KYNU: variants seen among roughly 807,000 people sequenced by gnomAD.
KYNU encodes the protein kynureninase, also known as L-kynurenine hydrolase.
KYNU carries 54 observed loss-of-function variants against 59.2 expected under a neutral mutation model. The observed-to-expected ratio is 0.91, with a 90% CI of 0.73 to 1.14. The LOEUF (loss-of-function observed/expected upper bound fraction) is 1.14. KYNU is among the 50% of genes most tolerant of loss of function. The pLI, the probability that KYNU is intolerant of heterozygous loss-of-function variation, is 0.00. For synonymous variants in KYNU, 177 were observed against 192.0 expected, an observed-to-expected ratio of 0.92 and a Z score of 0.65; for missense variants, 567 against 554.4, an observed-to-expected ratio of 1.02 and a Z score of -0.23.
intron 2 of KYNU, among the ~76,000 whole-genome samples, chr2:142,916,750 G>T (rs2104986814): frequency 6.6e-6 from 1 of 152,280 alleles, no homozygotes; most frequent in East Asian, 1.9e-4. Flanking sequence ...CAGGGAATAA[G>T]AAGCAAAGGC....
chr2:142,978,624 G>A lies in KYNU; in HGVS notation c.730-6460G>A, dbSNP rs552226838. Among the ~76,000 whole-genome samples the A allele has an allele frequency of 4.6e-5, 7 of 152,268 alleles. No homozygotes were observed. The South Asian group carries it at 1.2e-3, about 27-fold the overall frequency. On this transcript the variant is annotated intron_variant, in intron 8 of 13. Transcript: ENST00000264170. ...AGTGAACATTCACAGGCTGATATTC[G>A]CAGACACCTCTCATGAACTCAAGGG...
In KYNU at chr2:143,040,440, G is replaced by A; in HGVS notation, c.1054G>A (p.Ala352Thr). ...TCTCATTCCACAGATCTTTAAGCAA[G>A]CGACAATGAAGGCATTGCGGAAAAA... Reference protein sequence around the residue: ...LHASLEIFKQATMKALRKKSV... With the variant: ...LHASLEIFKQTTMKALRKKSV... Residue 352 changes from alanine (A) to threonine (T), a missense_variant, in exon 13 of 14, where the codon GCG becomes ACG. Transcript: ENST00000264170. The A allele has an allele frequency of 6.2e-7, 1 of 1,611,826 alleles. No individual in the cohort carries two copies. Among genetic ancestry groups the A allele is most frequent in the Non-Finnish European group, 8.5e-7 (1 of 1,178,312 alleles).
intron 8 of KYNU, among the ~76,000 whole-genome samples, chr2:142,977,131 TC>T (rs1317513211): frequency 6.6e-6 from 1 of 152,004 alleles, no homozygotes; most frequent in Non-Finnish European, 1.5e-5. Context: ...AGTATGTCCA[TC>T]CCCTCTTCCA....
At chr2:143,018,521 G>A (rs7581761) in intron 10 of KYNU, among the ~76,000 whole-genome samples, 17,438 of 152,148 alleles carry the variant, frequency 0.11, 1,601 homozygotes, top group African/African-American at 0.26. Flanking sequence ...CCAGTATCAT[G>A]CCATTTTGAT....
In KYNU at chr2:142,885,499, G is replaced by A. The variant is rs768321743; in HGVS notation, c.132G>A (p.Glu44=). ...AAGATAAGCTGAGGCACTTCAGGGA[G>A]TGCTTTTATATTCCCAAAATACAGG... ...DEEDKLRHFR[E]CFYIPKIQDL... is the part of the protein sequence containing the mutation. Residue 44 remains glutamate (E), a synonymous_variant, in exon 2 of 14, where the codon GAG becomes GAA. Transcript: ENST00000264170. 1 of 1,613,938 alleles carries A rather than the reference G, an allele frequency of 6.2e-7. No homozygotes were observed. The highest frequency in any genetic ancestry group is 1.1e-5 in the South Asian group (1 of 91,056).
chr2:142,893,671 AAG>A (rs997370122), intron 2 of KYNU, among the ~76,000 whole-genome samples: 4 of 152,136 alleles, frequency 2.6e-5, no homozygotes, highest in African/African-American at 9.7e-5. Flanking sequence ...TGGGAAAAAA[AAG>A]AGACAGACAG....
intron 2 of KYNU, among the ~76,000 whole-genome samples, chr2:142,888,749 C>G (rs995408015): frequency 4.0e-5 from 6 of 151,508 alleles, no homozygotes; most frequent in Non-Finnish European, 5.9e-5. Flanking sequence ...ATCTTAATGT[C>G]TAAGGATTCA....
At chr2:142,985,032 T>C in intron 8 of KYNU, 52 bp from the exon 9 acceptor site, 3 of 1,025,106 alleles carry the variant, frequency 2.9e-6, no homozygotes, top group Admixed American at 1.7e-5. Context: ...TTTGTACTTA[T>C]TATTTCTAAT....
At chr2:143,004,082 A>C (rs1056802584) in intron 10 of KYNU, among the ~76,000 whole-genome samples, 5 of 152,210 alleles carry the variant, frequency 3.3e-5, no homozygotes, top group African/African-American at 1.2e-4. Context: ...TAATTCATGA[A>C]AATGTAACAA....
At chr2:142,883,434 G>A (rs907229532) in intron 1 of KYNU, among the ~76,000 whole-genome samples, 2 of 151,742 alleles carry the variant, frequency 1.3e-5, no homozygotes, top group Non-Finnish European at 2.9e-5. Flanking sequence ...TCCTGACCTC[G>A]TGATCCGCCT....
intron 4 of KYNU, among the ~76,000 whole-genome samples, chr2:142,944,369 G>T (rs1683705934): frequency 6.6e-6 from 1 of 152,134 alleles, no homozygotes; most frequent in East Asian, 1.9e-4. Flanking sequence ...TTCTGGTAAA[G>T]CAAAAATATG....
intron 4 of KYNU, among the ~76,000 whole-genome samples, chr2:142,940,208 G>T (rs1302481035): frequency 6.6e-6 from 1 of 152,196 alleles, no homozygotes; most frequent in Non-Finnish European, 1.5e-5. Flanking sequence ...ACTGGAAAAA[G>T]AATTTGCATT....
chr2:142,949,462 C>A (rs1374750835), intron 4 of KYNU, among the ~76,000 whole-genome samples: 3 of 152,232 alleles, frequency 2.0e-5, no homozygotes, highest in African/African-American at 4.8e-5. Flanking sequence ...CTTCTGAAAT[C>A]TAGGCAGAGG....
intron 4 of KYNU, among the ~76,000 whole-genome samples, chr2:142,933,154 C>T (rs6714694): frequency 1.2e-3 from 189 of 152,172 alleles, no homozygotes; most frequent in South Asian, 3.9e-3. Context: ...CAGCAGCTGC[C>T]GCCAATGGTC....
chr2:142,920,336 T>C (rs1012570939), intron 3 of KYNU, among the ~76,000 whole-genome samples: 1 of 152,246 alleles, frequency 6.6e-6, no homozygotes, highest in Non-Finnish European at 1.5e-5. Context: ...TGGTTAATAT[T>C]CATTTTTGGC....
chr2:142,882,028 A>C (rs2105019715), intron 1 of KYNU, among the ~76,000 whole-genome samples: 1 of 150,292 alleles, frequency 6.7e-6, no homozygotes. Flanking sequence ...CTGGGGTAAC[A>C]GGTGTGAACC....
Position 143,048,665 on chromosome 2 carries a change from T to C in KYNU, c.*6493T>C, listed in dbSNP as rs1006822718. The C allele has an allele frequency of 4.6e-5, 7 of 152,318 alleles. No homozygotes were observed. The highest frequency in any genetic ancestry group is 1.4e-4 in the African/African-American group (6 of 41,574). The allele number at this position is 152,318 out of a possible 1,614,324, so 9.4% of individuals were successfully genotyped here. A position where few individuals can be genotyped will look rare whatever the true frequency, so the allele number is the denominator to read the frequency against. ...TCTCATTACTTAAAAATAGTTTCAC[T>C]TCATATAGAATTCTATGTCGACAGT... On this transcript the variant is annotated 3_prime_UTR_variant, in exon 14 of 14. Coordinates refer to ENST00000264170, the MANE Select transcript of KYNU (RefSeq NM_003937.3).
chr2:142,980,800 G>A (rs1039096215), intron 8 of KYNU, among the ~76,000 whole-genome samples: 11 of 152,084 alleles, frequency 7.2e-5, no homozygotes, highest in Non-Finnish European at 1.2e-4. Context: ...TAAATAAAAT[G>A]TGTTGAAAAA....
rs1687340731 is a variant in KYNU at position 143,055,650 on chromosome 2, G to A, written c.*13478G>A. Reference sequence around the variant, plus strand: ...CTTACCACAGGAAGGAAGGAAGGAAGGAAGGAAGGAAGGAAGGAAGGAAGG... The same window carrying A: ...CTTACCACAGGAAGGAAGGAAGGAAAGAAGGAAGGAAGGAAGGAAGGAAGG... On this transcript the variant is annotated 3_prime_UTR_variant, in exon 14 of 14. Coordinates refer to ENST00000264170, the MANE Select transcript of KYNU (RefSeq NM_003937.3). 6.6e-6 allele frequency: 1 copy of A among 151,164 alleles called. No individual in the cohort carries two copies. 9.4% of individuals were successfully genotyped at this position (151,164 alleles called of 1,614,324 possible).
Sources: gnomAD v4.1 joint callset for allele counts (sites outside exome capture counted in the v4.1 genomes callset) on GRCh38, gnomAD v4.1.1 for gene constraint, MANE v1.5 for transcripts, NCBI Gene and HGNC (gene_info 2026-07-23, HGNC 2026-07-21) for gene names.